FARP1: variants seen among roughly 807,000 people sequenced by gnomAD.
FARP1 encodes the protein FERM, ARHGEF and pleckstrin domain-containing protein 1.
FARP1 carries 52 observed loss-of-function variants against 128.8 expected under a neutral mutation model. That is an observed-to-expected ratio of 0.40 (90% CI 0.32 to 0.51). The LOEUF is 0.51. Among genes scored for constraint, FARP1 ranks in the 20% least tolerant of loss-of-function variants. The pLI, the probability that FARP1 is intolerant of heterozygous loss-of-function variation, is 0.45. For synonymous variants in FARP1, 580 were observed against 551.8 expected (o/e 1.05, Z -0.72); for missense variants, 1,333 against 1,367.9 (o/e 0.97, Z 0.40).
At chr13:98,377,783 C>G (rs769629714) in intron 5 of FARP1, 38 bp from the exon 6 acceptor site, 1 of 1,512,658 alleles carries the variant, frequency 6.6e-7, no homozygotes, top group Admixed American at 1.7e-5. Flanking sequence ...GACCTCCTGC[C>G]CTCTTTGCCT....
At position 98,443,847 on chromosome 13, in the gene FARP1, A is replaced by AGG. The variant is rs1566326112; in HGVS notation, c.2797-2250_2797-2249dup. On this transcript the variant is annotated intron_variant, in intron 24 of 26. Coordinates refer to ENST00000319562, the MANE Select transcript of FARP1 (RefSeq NM_005766.4). ...CAGACAGAGCGCAGACAGGACTGGGAGGAGGGAAGGGACGGGGTGCAGACA... is the reference window on the plus strand; with the variant it reads ...CAGACAGAGCGCAGACAGGACTGGGAGGGGAGGGAAGGGACGGGGTGCAGACA... Among the ~76,000 whole-genome samples, 10 of 7,330 alleles carry AGG rather than the reference A, an allele frequency of 1.4e-3. No homozygotes were observed. In the South Asian group the frequency reaches 0.018, roughly 13 times the overall value. The allele number at this position is 7,330 out of a possible 152,430, so 4.8% of individuals were successfully genotyped here.
intron 2 of FARP1, among the ~76,000 whole-genome samples, chr13:98,251,379 T>C (rs1460546119): frequency 6.6e-6 from 1 of 152,110 alleles, no homozygotes; most frequent in Non-Finnish European, 1.5e-5. Context: ...TTTATTTGCT[T>C]AATAGAAAGT....
intron 1 of FARP1, chr13:98,208,648 A>G (rs1420667055): frequency 6.5e-6 from 1 of 152,930 alleles, no homozygotes; most frequent in Admixed American, 6.5e-5. Context: ...GATGGACCGT[A>G]GGTGAGGAAG....
intron 2 of FARP1, among the ~76,000 whole-genome samples, chr13:98,312,787 G>A (rs1192299467): frequency 6.6e-6 from 1 of 152,106 alleles, no homozygotes; most frequent in Non-Finnish European, 1.5e-5. Flanking sequence ...GTTTTCTTGA[G>A]TCACTATAGA....
chr13:98,227,525 G>C (rs1201525666), intron 2 of FARP1, among the ~76,000 whole-genome samples: 3 of 152,010 alleles, frequency 2.0e-5, no homozygotes, highest in Non-Finnish European at 4.4e-5. Flanking sequence ...CACTGTTGGT[G>C]AGAATGTAAG....
At chr13:98,394,916 TC>T (rs1195593665) in intron 12 of FARP1, among the ~76,000 whole-genome samples, 2 of 152,084 alleles carry the variant, frequency 1.3e-5, no homozygotes, top group African/African-American at 4.8e-5. Context: ...CAGAGTAAGA[TC>T]CTGTCTCCCC....
chr13:98,398,840 T>C (rs1310220621), intron 13 of FARP1: 6 of 151,830 alleles, frequency 4.0e-5, no homozygotes, highest in Non-Finnish European at 1.5e-5. Context: ...TATACAGCAG[T>C]CTGGTAATGA....
intron 13 of FARP1, among the ~76,000 whole-genome samples, chr13:98,409,047 C>G (rs1444138820): frequency 6.6e-6 from 1 of 152,124 alleles, no homozygotes; most frequent in Non-Finnish European, 1.5e-5. Flanking sequence ...AGATGAAATT[C>G]CTATTTCGGG....
chr13:98,253,689 G>A (rs1033684142), intron 2 of FARP1, among the ~76,000 whole-genome samples: 2 of 152,200 alleles, frequency 1.3e-5, no homozygotes, highest in African/African-American at 2.4e-5. Context: ...CTAAGTCATC[G>A]TTGAGCTCGG....
chr13:98,268,385 G>C (rs1055700187), intron 2 of FARP1, among the ~76,000 whole-genome samples: 1 of 152,170 alleles, frequency 6.6e-6, no homozygotes, highest in African/African-American at 2.4e-5. Context: ...ATGGGGTTGG[G>C]TCAGCAGGAA....
At chr13:98,411,552 G>T (rs1438002852) in intron 15 of FARP1, among the ~76,000 whole-genome samples, 1 of 152,220 alleles carries the variant, frequency 6.6e-6, no homozygotes, top group Non-Finnish European at 1.5e-5. Flanking sequence ...AAGGAATGAA[G>T]CACAGAATAT....
chr13:98,281,183 T>A (rs1884919785), intron 2 of FARP1, among the ~76,000 whole-genome samples: 2 of 152,080 alleles, frequency 1.3e-5, no homozygotes, highest in Non-Finnish European at 2.9e-5. Context: ...GTAAAGCCTG[T>A]CTCTACTAAA....
At chr13:98,391,832 G>T (rs542305329) in intron 11 of FARP1, among the ~76,000 whole-genome samples, 1 of 152,334 alleles carries the variant, frequency 6.6e-6, no homozygotes, top group South Asian at 2.1e-4. Context: ...GCTCCAAGGA[G>T]GAGCAGCAGA....
In FARP1 at chr13:98,213,322, G is replaced by T. The variant is rs146667664; in HGVS notation, c.80G>T (p.Arg27Leu). 9.9e-6 allele frequency: 16 copies of T among 1,614,036 alleles called. No homozygotes were observed. The highest frequency in any genetic ancestry group is 1.3e-5 in the African/African-American group (1 of 74,922). Residue 27 changes from arginine to leucine, a missense_variant, in exon 2 of 27, where the codon CGT becomes CTT. By Grantham distance (102) the Arg-to-Leu change is moderately radical. This residue lies in a region of FARP1 where 324 missense variants were observed against 398.1 expected (regional missense o/e 0.81). Transcript: ENST00000319562. ...AATTCGGGGATCAGTACCTTGGAAC[G>T]TGGACAGAAGCCGCCCCCAACACCT... The part of the protein sequence containing the change: ...PENSGISTLE[R>L]GQKPPPTPSG...
chr13:98,165,783 T>A (rs1220472062), intron 1 of FARP1, among the ~76,000 whole-genome samples: 2 of 133,560 alleles, frequency 1.5e-5, no homozygotes, highest in African/African-American at 5.7e-5. Flanking sequence ...AGTGGTGCGA[T>A]CTCGGGTCAC....
intron 1 of FARP1, among the ~76,000 whole-genome samples, chr13:98,160,334 G>A (rs1390187625): frequency 6.6e-6 from 1 of 152,180 alleles, no homozygotes; most frequent in Non-Finnish European, 1.5e-5. Context: ...GTGCTGGGGA[G>A]TGGCTATCCC....
At chr13:98,258,545 A>C (rs1232272054) in intron 2 of FARP1, among the ~76,000 whole-genome samples, 1 of 152,156 alleles carries the variant, frequency 6.6e-6, no homozygotes, top group Non-Finnish European at 1.5e-5. Context: ...AAAGATCTGA[A>C]TAGTGGCAAA....
At chr13:98,416,120 C>T (rs1343646315) in intron 16 of FARP1, among the ~76,000 whole-genome samples, 1 of 152,250 alleles carries the variant, frequency 6.6e-6, no homozygotes, top group African/African-American at 2.4e-5. Context: ...GTATGGTCTG[C>T]ACCCATCCTC....
chr13:98,287,271 C>T (rs1274761186), intron 2 of FARP1, among the ~76,000 whole-genome samples: 2 of 127,260 alleles, frequency 1.6e-5, no homozygotes, highest in South Asian at 2.5e-4. Context: ...TGCTCTCTCT[C>T]CCAGGCTGGA....
Sources: gnomAD v4.1 joint callset for allele counts (sites outside exome capture counted in the v4.1 genomes callset) on GRCh38, gnomAD v4.1.1 for gene constraint, gnomAD v4.1.1 regional missense constraint, MANE v1.5 for transcripts, NCBI Gene and HGNC (gene_info 2026-07-23, HGNC 2026-07-21) for gene names.